The following CLUL1 variants were observed in gnomAD, a reference collection of about 807,000 sequenced individuals.
CLUL1 encodes the protein clusterin like 1, also known as clusterin-like protein 1.
In CLUL1, 43 loss-of-function variants were observed where a neutral mutation model predicts 49.4. The ratio of observed to expected loss-of-function variants is 0.87; its 90% CI spans 0.68 to 1.12. The LOEUF (loss-of-function observed/expected upper bound fraction) is 1.12. Ranked by LOEUF, CLUL1 falls within the 50% of genes most tolerant of loss-of-function variation. CLUL1 has a pLI of 0.00. For synonymous variants in CLUL1, 192 were observed against 184.9 expected (o/e 1.04, Z -0.31); for missense variants, 486 against 544.4 (o/e 0.89, Z 1.07).
At chr18:644,616 T>A (rs1263473882) in intron 8 of CLUL1, among the ~76,000 whole-genome samples, 1 of 152,230 alleles carries the variant, frequency 6.6e-6, no homozygotes, top group East Asian at 1.9e-4. Flanking sequence ...TGTGTGCTCA[T>A]CTATTCTCTT....
intron 7 of CLUL1, among the ~76,000 whole-genome samples, chr18:640,574 G>T (rs957299483): frequency 2.0e-5 from 3 of 151,988 alleles, no homozygotes; most frequent in African/African-American, 7.2e-5. Context: ...GTTTGCAAGG[G>T]TTAGCCATGT....
chr18:649,710 A>T, intron 9 of CLUL1, 188 bp from the exon 10 acceptor site: 1 of 510,398 alleles, frequency 2.0e-6, no homozygotes, highest in East Asian at 3.1e-5. Flanking sequence ...CGATTTCTTC[A>T]AATTGTTAAG....
intron 2 of CLUL1, chr18:613,369 C>T: frequency 3.5e-6 from 1 of 282,078 alleles, no homozygotes; most frequent in Non-Finnish European, 6.6e-6. Flanking sequence ...GAACTCCTGA[C>T]CCAAGTGATC....
chr18:619,116 C>T (rs1388810901), intron 3 of CLUL1, 97 bp from the exon 4 acceptor site: 5 of 1,184,986 alleles, frequency 4.2e-6, no homozygotes, highest in African/African-American at 1.5e-5. Flanking sequence ...TATAAGAGAA[C>T]AATTAAGCCT....
chr18:637,535 C>T (rs955300954), intron 7 of CLUL1, among the ~76,000 whole-genome samples: 1 of 152,154 alleles, frequency 6.6e-6, no homozygotes, highest in Non-Finnish European at 1.5e-5. Context: ...GCCATGGACA[C>T]CTCTACCCCA....
At chr18:609,093 C>T (rs546987216) in intron 2 of CLUL1, among the ~76,000 whole-genome samples, 1 of 152,198 alleles carries the variant, frequency 6.6e-6, no homozygotes, top group Non-Finnish European at 1.5e-5. Context: ...ATAGAACCTA[C>T]ATCTAAACAC....
In CLUL1 at chr18:641,577, C is replaced by T. The variant is rs779874750; in HGVS notation, c.1209+36C>T. On this transcript the variant is annotated intron_variant, in intron 8 of 9. Transcript: ENST00000692774. ...GACCCAAGAGCAGATACGGAAATGA[C>T]ACGTGCATACCTTGATTTCACTGTT... 5 of 1,502,232 alleles carry T rather than the reference C, an allele frequency of 3.3e-6. No homozygotes were observed. The South Asian group carries it at 4.5e-5, about 14-fold the overall frequency. The allele number at this position is 1,502,232 out of a possible 1,614,324, so 93.1% of individuals were successfully genotyped here. A position where few individuals can be genotyped will look rare whatever the true frequency, so the allele number is the denominator to read the frequency against.
At chr18:614,672 G>A (rs966141484) in intron 2 of CLUL1, 2 of 152,212 alleles carry the variant, frequency 1.3e-5, no homozygotes, top group South Asian at 2.1e-4. Context: ...TTAGAGATTT[G>A]CCCTCTTTCT....
Position 606,917 on chromosome 18 carries a change from T to G in CLUL1, c.-135-61T>G. ...ACTACTTTGCAGTGTTCATAGAATA[T>G]TTGTAATAATTTTAGGCGGCTCCCT... On this transcript the variant is annotated intron_variant, in intron 1 of 9. Transcript: ENST00000692774. This position sits in a 1 kb window ranked among gnomAD's most constrained non-coding sequence, Gnocchi z 4.1. 1.7e-6 allele frequency: 1 copy of G among 583,154 alleles called. No homozygotes were observed. The highest frequency in any genetic ancestry group is 3.0e-6 in the Non-Finnish European group (1 of 328,762). 36.1% of individuals were successfully genotyped at this position (583,154 alleles called of 1,614,324 possible). A position where few individuals can be genotyped will look rare whatever the true frequency, so the allele number is the denominator to read the frequency against.
intron 2 of CLUL1, among the ~76,000 whole-genome samples, chr18:616,925 A>T (rs1311856954): frequency 2.0e-5 from 3 of 152,218 alleles, no homozygotes; most frequent in African/African-American, 4.8e-5. Flanking sequence ...TGATCAAATA[A>T]TGGAGGTTTC....
intron 2 of CLUL1, among the ~76,000 whole-genome samples, chr18:607,992 AG>A (rs2073028481): frequency 6.6e-6 from 1 of 152,172 alleles, no homozygotes; most frequent in African/African-American, 2.4e-5. Context: ...TACGTATCTG[AG>A]CAGTCATCAG....
At chr18:628,556 C>A (rs777289269) in intron 6 of CLUL1, among the ~76,000 whole-genome samples, 1 of 152,138 alleles carries the variant, frequency 6.6e-6, no homozygotes, top group South Asian at 2.1e-4. Flanking sequence ...ACTGTATTGA[C>A]CCCTAAGCCA....
Position 624,890 on chromosome 18 carries a change from T to A in CLUL1, c.281T>A (p.Val94Asp), listed in dbSNP as rs193104760. The A allele has an allele frequency of 3.1e-6, 5 of 1,613,924 alleles. No homozygotes were observed. In the African/African-American group the frequency reaches 5.3e-5, roughly 17 times the overall value. The change falls in exon 5 of 10, where the codon GTT becomes GAT. Residue 94 changes from valine to aspartate, a missense_variant. By Grantham distance (152) the Val-to-Asp change is radical. Coordinates refer to ENST00000692774, the MANE Select transcript of CLUL1 (RefSeq NM_001393344.1). ...GAGGCCCTGAAACTTCTGAATGAAG[T>A]TCAAGAACATCTGGAGGAAGAAGAA... Reference protein sequence around the residue: ...KQEALKLLNEVQEHLEEEERL... With the variant: ...KQEALKLLNEDQEHLEEEERL...
chr18:613,675 A>G (rs1246182244), intron 2 of CLUL1, among the ~76,000 whole-genome samples: 7 of 144,204 alleles, frequency 4.9e-5, no homozygotes, highest in East Asian at 4.3e-4. Flanking sequence ...GGCTGGTCTC[A>G]AACTCCTGAC....
intron 9 of CLUL1, among the ~76,000 whole-genome samples, chr18:646,231 T>A (rs2074503445): frequency 6.6e-6 from 1 of 152,106 alleles, no homozygotes; most frequent in East Asian, 1.9e-4. Context: ...TAATTACATT[T>A]TAAATTATTC....
chr18:612,693 C>G (rs1241148697), intron 2 of CLUL1: 1 of 152,246 alleles, frequency 6.6e-6, no homozygotes, highest in Non-Finnish European at 1.5e-5. Flanking sequence ...ATCATTCCCA[C>G]TTAATTTTCT....
intron 4 of CLUL1, 60 bp downstream of exon 4, chr18:619,421 T>G: frequency 7.3e-7 from 1 of 1,368,150 alleles, no homozygotes; most frequent in Admixed American, 2.4e-5. Flanking sequence ...ATACTGCACT[T>G]GTTAGTGCGA....
intron 7 of CLUL1, among the ~76,000 whole-genome samples, chr18:640,861 A>T (rs1172233358): frequency 6.6e-6 from 1 of 151,872 alleles, no homozygotes; most frequent in African/African-American, 2.4e-5. Flanking sequence ...TTCACTATTT[A>T]CTATACACTT....
At chr18:602,616 C>G (rs768601904) in intron 1 of CLUL1, among the ~76,000 whole-genome samples, 14 of 152,016 alleles carry the variant, frequency 9.2e-5, no homozygotes, top group Non-Finnish European at 1.8e-4. Flanking sequence ...TGTGTAGACC[C>G]TGATTCAATA....
Sources: gnomAD v4.1 joint callset for allele counts (sites outside exome capture counted in the v4.1 genomes callset) on GRCh38, gnomAD v4.1.1 for gene constraint, Gnocchi (gnomAD v3.1) non-coding constraint, MANE v1.5 for transcripts, NCBI Gene and HGNC (gene_info 2026-07-23, HGNC 2026-07-21) for gene names.